DZIP1L: variants seen among roughly 807,000 people sequenced by gnomAD.
DZIP1L encodes DAZ interacting zinc finger protein 1 like, also known as cilium assembly protein DZIP1L.
In DZIP1L, 90 loss-of-function variants were observed where a neutral mutation model predicts 88.7. The observed-to-expected ratio is 1.02, with a 90% confidence interval of 0.86 to 1.21. The LOEUF is 1.21. Among genes scored for constraint, DZIP1L ranks in the 50% most tolerant of loss-of-function variants. The pLI, the probability that DZIP1L is intolerant of heterozygous loss-of-function variation, is 0.00. For synonymous variants in DZIP1L, 363 were observed against 372.1 expected (o/e 0.98, Z 0.28); for missense variants, 932 against 955.8 (o/e 0.98, Z 0.33).
chr3:138,108,755 G>T (rs2042563350), intron 1 of DZIP1L, among the ~76,000 whole-genome samples: 1 of 152,140 alleles, frequency 6.6e-6, no homozygotes, highest in Non-Finnish European at 1.5e-5. Flanking sequence ...TTCCACCAGG[G>T]CCAGAAAAGT....
At chr3:138,064,557 C>T (rs757436944) in intron 15 of DZIP1L, 71 bp downstream of exon 15, 59 of 1,613,428 alleles carry the variant, frequency 3.7e-5, no homozygotes, top group Non-Finnish European at 4.8e-5. Context: ...AACCTTCACC[C>T]CAGGCCCCCC....
chr3:138,094,822 C>T (rs962004852), intron 4 of DZIP1L, 40 bp downstream of exon 4: 4 of 1,612,838 alleles, frequency 2.5e-6, no homozygotes, highest in African/African-American at 1.3e-5. Flanking sequence ...CTGGGTAGTC[C>T]ATGACCCAAG....
chr3:138,069,335 G>A (rs1943065808), intron 12 of DZIP1L, among the ~76,000 whole-genome samples: 1 of 152,188 alleles, frequency 6.6e-6, no homozygotes, highest in African/African-American at 2.4e-5. Flanking sequence ...TACAAAATGT[G>A]TGTTAATAGT....
rs558665673 is a variant in DZIP1L, at chr3:138,088,332, T to C, written c.999+47A>G. ...TGAGAGAATATATTGGAAGAGAAGATGGCTCTTGGCTTCCTCTGGGAAGAA... is the reference window on the plus strand; with the variant it reads ...TGAGAGAATATATTGGAAGAGAAGACGGCTCTTGGCTTCCTCTGGGAAGAA... On this transcript the variant is annotated intron_variant, in intron 6 of 15. Coordinates refer to ENST00000327532, the MANE Select transcript of DZIP1L (RefSeq NM_173543.3). 1.3e-5 allele frequency: 20 copies of C among 1,554,476 alleles called. No homozygotes were observed. In the African/African-American group the frequency reaches 1.8e-4, roughly 14 times the overall value.
intron 11 of DZIP1L, among the ~76,000 whole-genome samples, chr3:138,077,119 G>A (rs1259330130): frequency 6.6e-6 from 1 of 152,074 alleles, no homozygotes; most frequent in Non-Finnish European, 1.5e-5. Context: ...TACCACAGAT[G>A]ATGGGCTTGC....
intron 7 of DZIP1L, among the ~76,000 whole-genome samples, chr3:138,085,867 T>C (rs1299727486): frequency 1.3e-5 from 2 of 152,096 alleles, no homozygotes; most frequent in Admixed American, 6.5e-5. Context: ...CAAATGTCCA[T>C]CAATGATAGA....
Position 138,063,243 on chromosome 3 carries a change from T to C in DZIP1L, c.2143-266A>G, listed in dbSNP as rs1942765034. 6.6e-6 allele frequency among the ~76,000 whole-genome samples: 1 copy of C among 152,222 alleles called. No homozygotes were observed. On this transcript the variant is annotated intron_variant, in intron 15 of 15. Coordinates refer to ENST00000327532, the MANE Select transcript of DZIP1L (RefSeq NM_173543.3). The surrounding 1 kb of genome is among the most constrained non-coding windows in gnomAD (Gnocchi z 4.1). ...CAGGCAAGTGCCTTGGAAAGGCCTA[T>C]GTGCAGAGAAGGTTGCTCTCATTTT...
chr3:138,090,246 G>A (rs532671287), intron 5 of DZIP1L, among the ~76,000 whole-genome samples: 4 of 152,258 alleles, frequency 2.6e-5, no homozygotes, highest in Admixed American at 2.0e-4. Flanking sequence ...ATCATGGATG[G>A]TAAGGATTAT....
chr3:138,101,532 T>C (rs937133304), intron 2 of DZIP1L: 2 of 795,978 alleles, frequency 2.5e-6, no homozygotes, highest in African/African-American at 3.3e-5. Context: ...CGCAAGTCTC[T>C]ATCTTCTTCA....
chr3:138,108,936 G>A (rs1175488415), intron 1 of DZIP1L, among the ~76,000 whole-genome samples: 1 of 152,198 alleles, frequency 6.6e-6, no homozygotes, highest in Non-Finnish European at 1.5e-5. Context: ...TGTTAGAAAT[G>A]CAGATCCCCA....
intron 12 of DZIP1L, chr3:138,068,846 G>A: frequency 8.8e-7 from 1 of 1,138,716 alleles, no homozygotes; most frequent in Non-Finnish European, 1.1e-6. Context: ...CAGTACCAAG[G>A]CAGGCAATTG....
intron 11 of DZIP1L, 56 bp from the exon 12 acceptor site, chr3:138,071,891 C>T (rs1383854451): frequency 1.3e-6 from 2 of 1,517,130 alleles, no homozygotes; most frequent in Admixed American, 2.0e-5. Flanking sequence ...TTCTCCTTCC[C>T]CTAAGCCTCT....
At chr3:138,077,096 A>G (rs1476191675) in intron 11 of DZIP1L, among the ~76,000 whole-genome samples, 1 of 152,012 alleles carries the variant, frequency 6.6e-6, no homozygotes, top group Non-Finnish European at 1.5e-5. Flanking sequence ...TGCTGAGTGG[A>G]CACAGCCACA....
intron 11 of DZIP1L, among the ~76,000 whole-genome samples, chr3:138,075,282 A>C (rs1943353658): frequency 1.3e-5 from 2 of 152,232 alleles, no homozygotes; most frequent in Non-Finnish European, 2.9e-5. Context: ...AATAGACTTA[A>C]ACTATAACCT....
At chr3:138,073,814 G>A (rs997407990) in intron 11 of DZIP1L, among the ~76,000 whole-genome samples, 39 of 152,012 alleles carry the variant, frequency 2.6e-4, no homozygotes, top group African/African-American at 9.2e-4. Context: ...AACAAAAAAT[G>A]TTATACAAGA....
intron 8 of DZIP1L, among the ~76,000 whole-genome samples, chr3:138,083,118 A>G (rs1943742711): frequency 6.6e-6 from 1 of 152,222 alleles, no homozygotes. Context: ...TCATTTGCAA[A>G]TAAGAGTTCT....
At chr3:138,104,110 A>C in intron 1 of DZIP1L, 58 bp from the exon 2 acceptor site, 1 of 1,437,052 alleles carries the variant, frequency 7.0e-7, no homozygotes, top group Non-Finnish European at 9.1e-7. Context: ...CACCTACTGT[A>C]TATCTGGCCA....
At chr3:138,071,968 G>A (rs1032350641) in intron 11 of DZIP1L, 133 bp from the exon 12 acceptor site, 5 of 852,296 alleles carry the variant, frequency 5.9e-6, no homozygotes, top group Admixed American at 5.9e-5. Flanking sequence ...AGGACTGGGG[G>A]GCATGAAATG....
intron 11 of DZIP1L, among the ~76,000 whole-genome samples, chr3:138,077,147 A>T (rs2107760324): frequency 6.6e-6 from 1 of 152,282 alleles, no homozygotes; most frequent in East Asian, 1.9e-4. Context: ...TACTTACCCA[A>T]GGGGGGACCT....
Sources: allele counts gnomAD v4.1 joint callset (sites outside exome capture counted in the v4.1 genomes callset), GRCh38; gene constraint gnomAD v4.1.1; non-coding constraint Gnocchi (gnomAD v3.1); transcripts MANE v1.5; gene names NCBI Gene and HGNC (gene_info 2026-07-23, HGNC 2026-07-21).